Variants in ALK observed in about 807,000 individuals in gnomAD.
ALK encodes ALK receptor tyrosine kinase.
In ALK, 74 loss-of-function variants were observed where a neutral mutation model predicts 163.1. The ratio of observed to expected loss-of-function variants is 0.45; its 90% confidence interval spans 0.38 to 0.55. The LOEUF (loss-of-function observed/expected upper bound fraction) is 0.55, where lower values mean the gene tolerates loss of function less well. Among genes scored for constraint, ALK ranks in the 20% least tolerant of loss-of-function variants. ALK has a pLI of 0.00. For missense variants in ALK, 2,063 were observed against 2,105.3 expected (o/e 0.98, Z 0.39); for synonymous variants, 960 against 843.2 (o/e 1.14, Z -2.40).
At chr2:29,531,281 G>A (rs936593764) in intron 4 of ALK, among the ~76,000 whole-genome samples, 7 of 152,196 alleles carry the variant, frequency 4.6e-5, no homozygotes, top group African/African-American at 1.7e-4. Flanking sequence ...GCCAGGCACA[G>A]AAGTGCCCTA....
chr2:29,261,047 C>T (rs1480786888), intron 11 of ALK, among the ~76,000 whole-genome samples: 3 of 152,138 alleles, frequency 2.0e-5, no homozygotes, highest in African/African-American at 4.8e-5. Flanking sequence ...GCTGCTCCAG[C>T]GCCTTCAGAT....
chr2:29,215,951 C>T lies in ALK; in HGVS notation c.3646-1870G>A, dbSNP rs887410093. On this transcript the variant is annotated intron_variant, in intron 23 of 28. Transcript: ENST00000389048. ...ACGCCAGCAGCCTCGGGCAGTGCCTCATCAGGGGACCCGAGGTATTGAGGG... is the reference window on the plus strand; with the variant it reads ...ACGCCAGCAGCCTCGGGCAGTGCCTTATCAGGGGACCCGAGGTATTGAGGG... Among the ~76,000 whole-genome samples, 4 of 152,156 alleles carry T rather than the reference C, an allele frequency of 2.6e-5. No individual in the cohort carries two copies. The South Asian group carries it at 8.3e-4, about 32-fold the overall frequency.
Position 29,196,823 on chromosome 2 carries a change from C to T in ALK, c.4111G>A (p.Glu1371Lys), listed in dbSNP as rs1437829239. 7 of 1,614,148 alleles carry T rather than the reference C, an allele frequency of 4.3e-6. No individual in the cohort carries two copies. In the African/African-American group the frequency reaches 9.3e-5, roughly 22 times the overall value. Residue 1371 changes from glutamate (E) to lysine (K), a missense_variant, in exon 28 of 29, where the codon GAA becomes AAA. Glu to Lys is a moderately conservative substitution (Grantham distance 56). Around this residue, in one of 5 missense-constraint regions of ALK, gnomAD observed 403 missense variants for 366.2 expected, o/e 1.10. Coordinates refer to ENST00000389048, the MANE Select transcript of ALK (RefSeq NM_004304.5). The stretch of plus-strand genomic sequence containing the variant: ...ATGATGGCAAAGTTGGGCCTGTCTT[C>T]AGGCTGATGTTGCCAGCACTGAGTC... ...IMTQCWQHQP[E>K]DRPNFAIILE... is the part of the protein sequence containing the mutation.
intron 4 of ALK, among the ~76,000 whole-genome samples, chr2:29,423,329 A>C (rs764222312): frequency 2.0e-5 from 3 of 152,210 alleles, no homozygotes; most frequent in African/African-American, 7.2e-5. Flanking sequence ...ATTTGTACCA[A>C]GATTGAAACC....
intron 4 of ALK, among the ~76,000 whole-genome samples, chr2:29,448,493 A>G (rs1189086317): frequency 1.3e-5 from 2 of 152,114 alleles, no homozygotes; most frequent in Non-Finnish European, 2.9e-5. Context: ...GCCATGCAAC[A>G]TTTTTTACAG....
intron 1 of ALK, among the ~76,000 whole-genome samples, chr2:29,820,027 C>T (rs553455311): frequency 3.7e-4 from 56 of 152,310 alleles, no homozygotes; most frequent in Admixed American, 2.4e-3. Context: ...TTAAATACAT[C>T]CACAGATTCT....
At chr2:29,506,273 A>C (rs928093467) in intron 4 of ALK, among the ~76,000 whole-genome samples, 1 of 152,142 alleles carries the variant, frequency 6.6e-6, no homozygotes, top group Non-Finnish European at 1.5e-5. Flanking sequence ...ATATTATTCT[A>C]TCAAACAAGC....
chr2:29,917,014 A>G (rs1572499797), intron 1 of ALK, among the ~76,000 whole-genome samples: 2 of 152,350 alleles, frequency 1.3e-5, no homozygotes, highest in South Asian at 4.1e-4. Context: ...AGGAAAAACC[A>G]TTAGCATTTC....
At chr2:29,475,691 C>G (rs780671907) in intron 4 of ALK, among the ~76,000 whole-genome samples, 2 of 152,148 alleles carry the variant, frequency 1.3e-5, no homozygotes, top group African/African-American at 4.8e-5. Context: ...GTCCTGGCCT[C>G]TCAGTCAAAG....
intron 4 of ALK, among the ~76,000 whole-genome samples, chr2:29,511,788 T>C (rs1573416325): frequency 6.6e-6 from 1 of 152,238 alleles, no homozygotes; most frequent in African/African-American, 2.4e-5. Flanking sequence ...AGTTCCTTTA[T>C]ATCCTTAACA....
intron 1 of ALK, among the ~76,000 whole-genome samples, chr2:29,860,692 C>A (rs760003214): frequency 1.3e-4 from 19 of 151,994 alleles, no homozygotes; most frequent in Non-Finnish European, 2.5e-4. Flanking sequence ...CTTTTTTGAC[C>A]ACAATGGTAT....
chr2:29,894,696 T>C (rs1558537466), intron 1 of ALK, among the ~76,000 whole-genome samples: 1 of 152,194 alleles, frequency 6.6e-6, no homozygotes, highest in Admixed American at 6.5e-5. Flanking sequence ...ATTCTATTAA[T>C]GTTTCATTCT....
intron 8 of ALK, among the ~76,000 whole-genome samples, chr2:29,316,297 A>AAT (rs939439593): frequency 1.3e-4 from 20 of 152,292 alleles, no homozygotes; most frequent in African/African-American, 4.8e-4. Flanking sequence ...AAATCATATG[A>AAT]ATATATATAA....
intron 23 of ALK, among the ~76,000 whole-genome samples, chr2:29,215,660 A>G (rs1041871071): frequency 1.3e-5 from 2 of 150,624 alleles, no homozygotes; most frequent in East Asian, 2.0e-4. Flanking sequence ...CTGGGATCCA[A>G]GGAGTTAAAA....
chr2:29,751,023 C>G (rs74621797), intron 1 of ALK, among the ~76,000 whole-genome samples: 1 of 152,014 alleles, frequency 6.6e-6, no homozygotes, highest in South Asian at 2.1e-4. Context: ...TAAGCCGACA[C>G]TGAGCCACTG....
At chr2:29,629,115 A>G (rs991289525) in intron 3 of ALK, among the ~76,000 whole-genome samples, 5 of 152,188 alleles carry the variant, frequency 3.3e-5, no homozygotes, top group African/African-American at 4.8e-5. Flanking sequence ...CACAAAGGCA[A>G]TGGGGTCATA....
At chr2:29,538,988 C>G (rs1366403103) in intron 3 of ALK, among the ~76,000 whole-genome samples, 2 of 152,166 alleles carry the variant, frequency 1.3e-5, no homozygotes, top group Non-Finnish European at 2.9e-5. Flanking sequence ...CTTGACTCTT[C>G]TCACTATAAA....
chr2:29,760,903 A>G (rs561398291), intron 1 of ALK, among the ~76,000 whole-genome samples: 3 of 152,156 alleles, frequency 2.0e-5, no homozygotes, highest in Non-Finnish European at 4.4e-5. Flanking sequence ...TTGCACACCT[A>G]CATGCATCCA....
chr2:29,535,289 G>T (rs570100120), intron 3 of ALK, among the ~76,000 whole-genome samples: 1 of 152,278 alleles, frequency 6.6e-6, no homozygotes, highest in South Asian at 2.1e-4. Flanking sequence ...TATGCATCTT[G>T]TTGATATGTT....
Sources: allele counts gnomAD v4.1 joint callset (sites outside exome capture counted in the v4.1 genomes callset), GRCh38; gene constraint gnomAD v4.1.1; regional missense constraint gnomAD v4.1.1; transcripts MANE v1.5; gene names NCBI Gene and HGNC (gene_info 2026-07-23, HGNC 2026-07-21).